Variants in SCML4 observed in about 807,000 individuals in gnomAD.
SCML4 encodes the protein Scm polycomb group protein like 4.
Under a neutral mutation model 41.1 loss-of-function variants are expected in SCML4, and 34 were observed. The observed-to-expected ratio is 0.83, with a 90% CI of 0.63 to 1.10. SCML4 has a LOEUF of 1.10. Ranked by LOEUF, SCML4 falls within the 50% of genes least tolerant of loss-of-function variation. SCML4 has a pLI of 0.00. For missense variants in SCML4, 522 were observed against 534.1 expected (o/e 0.98, Z 0.22); for synonymous variants, 214 against 220.9 (o/e 0.97, Z 0.28).
intron 2 of SCML4, among the ~76,000 whole-genome samples, chr6:107,762,408 C>T (rs1264266441): frequency 1.3e-5 from 2 of 152,176 alleles, no homozygotes; most frequent in East Asian, 3.9e-4. Context: ...GACTAAACAC[C>T]TAATTAAAAG....
In SCML4 at chr6:107,714,977, A is replaced by AT. The variant is rs1250441093; in HGVS notation, c.973+5725dup. ...CCTGGTGTCCCTGCACAAACCCTTT[A>AT]TTTTTTTTTTTTTTTGAGATGAAGT... On this transcript the variant is annotated intron_variant, in intron 6 of 7. Coordinates refer to ENST00000369020, the MANE Select transcript of SCML4 (RefSeq NM_198081.5). Among the ~76,000 whole-genome samples the AT allele has an allele frequency of 3.3e-3, 181 of 54,528 alleles. 1 individual carries two copies. The highest frequency in any genetic ancestry group is 0.012 in the East Asian group (18 of 1,496). The allele number at this position is 54,528 out of a possible 152,430, so 35.8% of individuals were successfully genotyped here.
At chr6:107,769,562 C>T (rs1020577996) in intron 2 of SCML4, among the ~76,000 whole-genome samples, 3 of 152,090 alleles carry the variant, frequency 2.0e-5, no homozygotes, top group South Asian at 2.1e-4. Flanking sequence ...CACAATGAGG[C>T]GTCCTCAGAA....
chr6:107,820,397 C>T (rs114828525), intron 1 of SCML4, among the ~76,000 whole-genome samples: 3,396 of 152,190 alleles, frequency 0.022, 124 homozygotes, highest in African/African-American at 0.078. Flanking sequence ...TTTGTGTGTG[C>T]GTGTGCGTAT....
chr6:107,823,711 CAT>C (rs796806549), intron 1 of SCML4, among the ~76,000 whole-genome samples: 102 of 152,038 alleles, frequency 6.7e-4, no homozygotes, highest in African/African-American at 2.3e-3. Flanking sequence ...TATCCCAAGA[CAT>C]AGTACAATTT....
At chr6:107,750,064 G>C (rs1025994107) in intron 2 of SCML4, among the ~76,000 whole-genome samples, 3 of 152,222 alleles carry the variant, frequency 2.0e-5, no homozygotes, top group Non-Finnish European at 4.4e-5. Context: ...CAGGCAGTGA[G>C]TGCAGGAGCA....
intron 1 of SCML4, among the ~76,000 whole-genome samples, chr6:107,810,246 C>A (rs1351951084): frequency 6.6e-6 from 1 of 152,172 alleles, no homozygotes. Flanking sequence ...GCCTGCCATA[C>A]TGGGTAGGGC....
chr6:107,778,045 A>G (rs1217738511), intron 1 of SCML4, among the ~76,000 whole-genome samples: 2 of 150,960 alleles, frequency 1.3e-5, no homozygotes, highest in African/African-American at 4.9e-5. Flanking sequence ...TGAAACTCCC[A>G]TCTCTAATAA....
intron 6 of SCML4, among the ~76,000 whole-genome samples, chr6:107,710,449 G>A (rs1170831673): frequency 1.1e-5 from 1 of 94,024 alleles, no homozygotes. Flanking sequence ...AGGTGAAGCG[G>A]ACAAAAGCAT....
chr6:107,755,592 G>GA, intron 2 of SCML4: 1 of 1,346,726 alleles, frequency 7.4e-7, no homozygotes, highest in East Asian at 4.7e-5. Flanking sequence ...GGAATGGGGG[G>GA]GTTCTCTGCC....
At chr6:107,726,590 T>C (rs1448842375) in intron 5 of SCML4, among the ~76,000 whole-genome samples, 1 of 149,678 alleles carries the variant, frequency 6.7e-6, no homozygotes, top group African/African-American at 2.5e-5. Flanking sequence ...ACAACCCGAT[T>C]TTAAAATGGA....
At chr6:107,768,807 CA>C (rs1270877775) in intron 2 of SCML4, among the ~76,000 whole-genome samples, 1 of 152,162 alleles carries the variant, frequency 6.6e-6, no homozygotes, top group Admixed American at 6.5e-5. Context: ...AACTACTTTT[CA>C]AAACCCAGAA....
chr6:107,764,499 C>T (rs1246131409), intron 2 of SCML4, among the ~76,000 whole-genome samples: 3 of 152,070 alleles, frequency 2.0e-5, no homozygotes, highest in Admixed American at 6.6e-5. Context: ...CCTATGGGTT[C>T]AGATGCTGGT....
At chr6:107,730,783 AGCCT>A (rs527764571) in intron 5 of SCML4, among the ~76,000 whole-genome samples, 16 of 152,308 alleles carry the variant, frequency 1.1e-4, no homozygotes, top group Admixed American at 5.2e-4. Context: ...CTGTGTATAA[AGCCT>A]GCCTATTAGT....
chr6:107,744,513 C>T (rs951280043), intron 5 of SCML4, among the ~76,000 whole-genome samples: 1 of 152,118 alleles, frequency 6.6e-6, no homozygotes, highest in East Asian at 1.9e-4. Flanking sequence ...TCTGAGACTC[C>T]CAGGCAGGAC....
intron 1 of SCML4, among the ~76,000 whole-genome samples, chr6:107,805,164 G>A (rs1278849598): frequency 6.6e-6 from 1 of 152,182 alleles, no homozygotes; most frequent in African/African-American, 2.4e-5. Context: ...AGAGTTAGGG[G>A]TGTGGAGCAG....
intron 4 of SCML4, chr6:107,745,769 C>T (rs1000023065): frequency 6.6e-6 from 1 of 152,230 alleles, no homozygotes; most frequent in Non-Finnish European, 1.5e-5. Flanking sequence ...GCAGGTGGAT[C>T]ACATGAGCTC....
chr6:107,746,033 T>C (rs1274574843), intron 4 of SCML4: 2 of 148,852 alleles, frequency 1.3e-5, no homozygotes, highest in South Asian at 2.1e-4. Context: ...AATAAAAGAA[T>C]GGAGGGTGAC....
intron 1 of SCML4, among the ~76,000 whole-genome samples, chr6:107,791,981 CAAAT>C (rs1170302356): frequency 6.6e-6 from 1 of 151,960 alleles, no homozygotes; most frequent in Admixed American, 6.6e-5. Context: ...CAAACAAAAA[CAAAT>C]AAAGTTTAAG....
intron 2 of SCML4, 22 bp from the exon 3 acceptor site, chr6:107,749,835 G>A (rs1778465422): frequency 6.2e-7 from 1 of 1,613,164 alleles, no homozygotes; most frequent in Non-Finnish European, 8.5e-7. Context: ...AGCCCATTTG[G>A]TCAATGAGAA....
Sources: allele counts gnomAD v4.1 joint callset (sites outside exome capture counted in the v4.1 genomes callset), GRCh38; gene constraint gnomAD v4.1.1; transcripts MANE v1.5; gene names NCBI Gene and HGNC (gene_info 2026-07-23, HGNC 2026-07-21).